The following VPS11 variants were observed in gnomAD, a reference collection of about 807,000 sequenced individuals.
VPS11 encodes VPS11 core subunit of CORVET and HOPS complexes, also known as vacuolar protein sorting-associated protein 11 homolog.
Under a neutral mutation model 106.8 loss-of-function variants are expected in VPS11, and 51 were observed. That is an observed-to-expected ratio of 0.48 (90% CI 0.38 to 0.60). VPS11 has a LOEUF of 0.60. Among genes scored for constraint, VPS11 ranks in the 20% least tolerant of loss-of-function variants. The probability of loss-of-function intolerance (pLI) is 0.00; values close to 1 mark genes in which losing one functional copy is unlikely to be tolerated. For missense variants in VPS11, 950 were observed against 1,190.0 expected, an observed-to-expected ratio of 0.80 and a Z score of 2.97; for synonymous variants, 453 against 458.7, an observed-to-expected ratio of 0.99 and a Z score of 0.16.
At position 119,081,080 on chromosome 11, in the gene VPS11, T is replaced by C. The variant is rs1945830929; in HGVS notation, c.2439-12T>C. On this transcript the variant is annotated splice_polypyrimidine_tract_variant and intron_variant, in intron 14 of 15. Transcript: ENST00000621676. ...ACTTTTGCCACTCACTTCTGGTCTT[T>C]CTTCCCTGTAGTCCTAAGATTTTCC... The C allele has an allele frequency of 6.2e-7, 1 of 1,612,176 alleles. No individual in the cohort carries two copies. Among genetic ancestry groups the C allele is most frequent in the African/African-American group, 1.3e-5 (1 of 74,920 alleles).
rs1313240576 is a variant in VPS11 at position 119,077,650 on chromosome 11, A to C, written c.1572+3A>C. 1 of 1,586,736 alleles carries C rather than the reference A, an allele frequency of 6.3e-7. No homozygotes were observed. Reference sequence around the variant, plus strand: ...AGATCCAGCTAGAAGACATTAAGGTAGGTGAGACTGTCTTTTTTCCCCAAG... The same window carrying C: ...AGATCCAGCTAGAAGACATTAAGGTCGGTGAGACTGTCTTTTTTCCCCAAG... On this transcript the variant is annotated splice_donor_region_variant and intron_variant, in intron 9 of 15. Coordinates refer to ENST00000621676, the MANE Select transcript of VPS11 (RefSeq NM_021729.6).
At chr11:119,073,046 C>A (rs538363905) in intron 5 of VPS11, 152 bp from the exon 6 acceptor site, 85 of 806,810 alleles carry the variant, frequency 1.1e-4, no homozygotes, top group Non-Finnish European at 1.4e-4. Context: ...CTATGTACAA[C>A]TACCGGCACA....
At position 119,081,467 on chromosome 11, in the gene VPS11, C is replaced by T; in HGVS notation, c.2670C>T (p.Cys890=). 1.9e-6 allele frequency: 3 copies of T among 1,613,966 alleles called. No homozygotes were observed. Among genetic ancestry groups the T allele is most frequent in the Non-Finnish European group, 2.5e-6 (3 of 1,179,884 alleles). Residue 890 remains cysteine (C), a synonymous_variant, in exon 16 of 16, where the codon TGC becomes TGT. Transcript: ENST00000621676. ...CTCCTCTTCTCCTGCAGCTCAAGTG[C>T]TCCAATGACAGCTTTTCTGTGATTG... ...LHDQFQHQLK[C]SNDSFSVIAD...
rs781840266 is a variant in VPS11 at position 119,069,483 on chromosome 11, A to G, written c.378A>G (p.Pro126=). The change falls in exon 3 of 16, where the codon CCA becomes CCG. Residue 126 remains proline (P), a synonymous_variant. Transcript: ENST00000621676. Reference sequence around the variant, plus strand: ...TGGAGAAGAGAGATGGTGGCAATCCACTCTGCACTCGAATCTTCCCTGCTA... The same window carrying G: ...TGGAGAAGAGAGATGGTGGCAATCCGCTCTGCACTCGAATCTTCCCTGCTA... ...WNLEKRDGGN[P]LCTRIFPAIP... is the part of the protein sequence containing the mutation. 4 of 1,613,748 alleles carry G rather than the reference A, an allele frequency of 2.5e-6. No individual in the cohort carries two copies. The Admixed American group carries it at 5.0e-5, about 20-fold the overall frequency.
intron 7 of VPS11, among the ~76,000 whole-genome samples, chr11:119,076,409 C>T (rs564345007): frequency 3.9e-4 from 60 of 151,954 alleles, no homozygotes; most frequent in African/African-American, 1.4e-3. Context: ...GCCTGTAATC[C>T]CAGCTACTCA....
In VPS11 at chr11:119,077,005, C is replaced by T; in HGVS notation, c.1347C>T (p.Ala449=). 6.2e-7 allele frequency: 1 copy of T among 1,613,934 alleles called. No individual in the cohort carries two copies. The highest frequency in any genetic ancestry group is 8.5e-7 in the Non-Finnish European group (1 of 1,179,860). ...YLQTLHRQSL[A]NADHTTLLLN... ...AGACCCTGCACCGACAATCCCTGGC[C>T]AATGCCGACCATACCACCCTGCTCC... Residue 449 remains alanine (A), a synonymous_variant, in exon 8 of 16, where the codon GCC becomes GCT. Coordinates refer to ENST00000621676, the MANE Select transcript of VPS11 (RefSeq NM_021729.6).
In VPS11 at chr11:119,081,078, T is replaced by G. The variant is rs1175724911; in HGVS notation, c.2439-14T>G. 3.1e-6 allele frequency: 5 copies of G among 1,611,934 alleles called. No individual in the cohort carries two copies. Among genetic ancestry groups the G allele is most frequent in the Non-Finnish European group, 4.2e-6 (5 of 1,178,178 alleles). Reference sequence around the variant, plus strand: ...TCACTTTTGCCACTCACTTCTGGTCTTTCTTCCCTGTAGTCCTAAGATTTT... The same window carrying G: ...TCACTTTTGCCACTCACTTCTGGTCGTTCTTCCCTGTAGTCCTAAGATTTT... On this transcript the variant is annotated splice_polypyrimidine_tract_variant and intron_variant, in intron 14 of 15. Transcript: ENST00000621676.
At chr11:119,081,401 T>G in intron 15 of VPS11, 58 bp from the exon 16 acceptor site, 1 of 1,611,770 alleles carries the variant, frequency 6.2e-7, no homozygotes, top group Non-Finnish European at 8.5e-7. Flanking sequence ...CACCTCCTCA[T>G]TTAAGAAACA....
At position 119,077,961 on chromosome 11, in the gene VPS11, C is replaced by T. The variant is rs1945692897; in HGVS notation, c.1656C>T (p.Leu552=). The part of the protein sequence containing the change: ...ESNMKRYGKI[L]MHHIPEQTTQ... ...ACATGAAGCGCTACGGCAAGATCCT[C>T]ATGCACCACATACCAGAGCAGACAA... is the stretch of plus-strand genomic sequence containing the variant. Residue 552 remains leucine (L), a synonymous_variant, in exon 10 of 16, where the codon CTC becomes CTT. Transcript: ENST00000621676. 6.2e-7 allele frequency: 1 copy of T among 1,614,028 alleles called. No homozygotes were observed. The highest frequency in any genetic ancestry group is 2.2e-5 in the East Asian group (1 of 44,880).
In VPS11 at chr11:119,071,810, T is replaced by C; in HGVS notation, c.851T>C (p.Ile284Thr). ...LIAHWFRGYLIIVSRDRKVSP... is the reference protein window; with the variant it reads ...LIAHWFRGYLTIVSRDRKVSP... The stretch of plus-strand genomic sequence containing the variant: ...GCCCACTGGTTTAGAGGCTACCTTA[T>C]CATTGTCTCCCGTGACCGGAAGGTT... The change falls in exon 5 of 16, where the codon ATC becomes ACC. Residue 284 changes from isoleucine (I) to threonine (T), a missense_variant. By Grantham distance (89) the Ile-to-Thr change is moderately conservative. This residue lies in a region of VPS11 where 435 missense variants were observed against 630.2 expected (regional missense o/e 0.69). Transcript: ENST00000621676. The C allele has an allele frequency of 6.2e-7, 1 of 1,613,844 alleles. No homozygotes were observed. Among genetic ancestry groups the C allele is most frequent in the Non-Finnish European group, 8.5e-7 (1 of 1,179,774 alleles).
At chr11:119,068,238 T>C in intron 1 of VPS11, 3 of 452,424 alleles carry the variant, frequency 6.6e-6, no homozygotes, top group Non-Finnish European at 1.2e-5. Flanking sequence ...TTAATTTCCT[T>C]ATCTGTAGGA....
rs989514030 is a variant in VPS11 at position 119,075,280 on chromosome 11, G to A, written c.1238+1329G>A. Among the ~76,000 whole-genome samples, 13 of 151,682 alleles carry A rather than the reference G, an allele frequency of 8.6e-5. No homozygotes were observed. The South Asian group carries it at 1.9e-3, about 22-fold the overall frequency. On this transcript the variant is annotated intron_variant, in intron 7 of 15. Coordinates refer to ENST00000621676, the MANE Select transcript of VPS11 (RefSeq NM_021729.6). ...GGACTGTCTCAAAAAAAAAAAGTTT[G>A]TCTAAGGCTGGGGTGCAGTGGCATG...
chr11:119,069,705 T>G, intron 3 of VPS11, 128 bp downstream of exon 3: 1 of 1,370,828 alleles, frequency 7.3e-7, no homozygotes, highest in Non-Finnish European at 9.9e-7. Context: ...CGATATTAAA[T>G]TTTGGAATGG....
At chr11:119,077,121 C>T (rs782360401) in intron 8 of VPS11, 38 bp downstream of exon 8, 10 of 1,589,942 alleles carry the variant, frequency 6.3e-6, no homozygotes, top group Non-Finnish European at 8.6e-6. Context: ...TTGGAGGCCC[C>T]ACTGAGCATG....
chr11:119,068,868 C>T (rs1452070068), intron 1 of VPS11, among the ~76,000 whole-genome samples: 1 of 151,848 alleles, frequency 6.6e-6, no homozygotes, highest in Non-Finnish European at 1.5e-5. Flanking sequence ...TCTCCTGCCT[C>T]AACCTCCTGA....
chr11:119,070,741 G>A (rs1404871594), intron 4 of VPS11: 1 of 160,974 alleles, frequency 6.2e-6, no homozygotes, highest in African/African-American at 2.4e-5. Context: ...GAGTAGCTGG[G>A]ATTACAGGCA....
Position 119,081,135 on chromosome 11 carries a change from G to A in VPS11, c.2482G>A (p.Ala828Thr). Residue 828 changes from alanine (A) to threonine (T), a missense_variant, in exon 15 of 16, where the codon GCC becomes ACC. Ala to Thr is a moderately conservative substitution (Grantham distance 58). Coordinates refer to ENST00000621676, the MANE Select transcript of VPS11 (RefSeq NM_021729.6). ...QKTKCSICNS[A>T]LELPSVHFLC... ...GACCAAGTGCAGCATCTGTAACAGT[G>A]CCTTGGAGTTGCCCTCAGTCCACTT... is the stretch of plus-strand genomic sequence containing the variant. The A allele has an allele frequency of 6.2e-7, 1 of 1,614,030 alleles. No individual in the cohort carries two copies. The highest frequency in any genetic ancestry group is 8.5e-7 in the Non-Finnish European group (1 of 1,179,902).
intron 14 of VPS11, 72 bp downstream of exon 14, chr11:119,079,372 A>G (rs1945764713): frequency 2.0e-6 from 3 of 1,476,294 alleles, no homozygotes; most frequent in Non-Finnish European, 1.8e-6. Flanking sequence ...ATTACTAAGT[A>G]CTTTCCGTAG....
At chr11:119,069,614 T>A in intron 3 of VPS11, 37 bp downstream of exon 3, 1 of 1,613,546 alleles carries the variant, frequency 6.2e-7, no homozygotes, top group Admixed American at 1.7e-5. Context: ...CTAGATTTGT[T>A]ATAGATTTTC....
Sources: gnomAD v4.1 joint callset for allele counts (sites outside exome capture counted in the v4.1 genomes callset) on GRCh38, gnomAD v4.1.1 for gene constraint, gnomAD v4.1.1 regional missense constraint, MANE v1.5 for transcripts, NCBI Gene and HGNC (gene_info 2026-07-23, HGNC 2026-07-21) for gene names.